Variants in SERP2 observed in about 807,000 individuals in gnomAD.
SERP2 encodes stress-associated endoplasmic reticulum protein 2.
SERP2 carries 6 observed loss-of-function variants against 9.1 expected under a neutral mutation model. The ratio of observed to expected loss-of-function variants is 0.66; its 90% CI spans 0.36 to 1.30. The LOEUF (loss-of-function observed/expected upper bound fraction) is 1.30. Among genes scored for constraint, SERP2 ranks in the 50% most tolerant of loss-of-function variants. The pLI is 0.03. For synonymous variants in SERP2, 37 were observed against 27.3 expected (o/e 1.35, Z -1.10); for missense variants, 58 against 81.9 (o/e 0.71, Z 1.13).
chr13:44,381,626 C>G (rs1011596937), intron 2 of SERP2, among the ~76,000 whole-genome samples: 1 of 152,204 alleles, frequency 6.6e-6, no homozygotes, highest in South Asian at 2.1e-4. Flanking sequence ...TGTCACTGCC[C>G]TTGATTTTGC....
chr13:44,387,960 C>T (rs1872411599), intron 2 of SERP2, among the ~76,000 whole-genome samples: 1 of 152,190 alleles, frequency 6.6e-6, no homozygotes, highest in African/African-American at 2.4e-5. Context: ...CCTGGCTATT[C>T]TTGAAACTGA....
intron 1 of SERP2, among the ~76,000 whole-genome samples, chr13:44,377,337 G>T (rs1871716177): frequency 6.6e-6 from 1 of 152,146 alleles, no homozygotes; most frequent in South Asian, 2.1e-4. Context: ...TTTTTATATA[G>T]CATCAGTGGC....
At chr13:44,385,879 T>C (rs952144566) in intron 2 of SERP2, among the ~76,000 whole-genome samples, 1 of 152,140 alleles carries the variant, frequency 6.6e-6, no homozygotes, top group African/African-American at 2.4e-5. Flanking sequence ...ACCTCTGTCC[T>C]TGTAGCCCTC....
At chr13:44,378,944 G>T (rs1009988091) in intron 1 of SERP2, among the ~76,000 whole-genome samples, 1 of 152,136 alleles carries the variant, frequency 6.6e-6, no homozygotes, top group Non-Finnish European at 1.5e-5. Context: ...CTTTATTAAG[G>T]CTTAGGAGCT....
At chr13:44,394,650 G>A (rs927620598) in intron 2 of SERP2, among the ~76,000 whole-genome samples, 1 of 152,182 alleles carries the variant, frequency 6.6e-6, no homozygotes, top group South Asian at 2.1e-4. Context: ...TTATGTCATC[G>A]TATTTATTCC....
chr13:44,375,623 G>A (rs773303976), intron 1 of SERP2, among the ~76,000 whole-genome samples: 1 of 152,178 alleles, frequency 6.6e-6, no homozygotes, highest in Non-Finnish European at 1.5e-5. Context: ...TCCTTCTCAA[G>A]GGATCAGACC....
chr13:44,394,241 G>A (rs1231614893), intron 2 of SERP2, among the ~76,000 whole-genome samples: 3 of 152,058 alleles, frequency 2.0e-5, no homozygotes, highest in African/African-American at 2.4e-5. Flanking sequence ...AGGTTCAAGC[G>A]ATTCTCCTGC....
intron 2 of SERP2, among the ~76,000 whole-genome samples, chr13:44,383,544 G>GTT (rs373109847): frequency 0.41 from 36,917 of 89,258 alleles, 7,195 homozygotes; most frequent in South Asian, 0.47. Context: ...GGAGGTTTGC[G>GTT]TTTTTTTTGT....
intron 1 of SERP2, among the ~76,000 whole-genome samples, chr13:44,379,389 C>A (rs1339660809): frequency 6.6e-6 from 1 of 152,118 alleles, no homozygotes; most frequent in Non-Finnish European, 1.5e-5. Context: ...CCATATCTGT[C>A]CCCAGAATAT....
At chr13:44,395,890 C>T (rs1196040675) in intron 2 of SERP2, 1 of 449,894 alleles carries the variant, frequency 2.2e-6, no homozygotes, top group African/African-American at 2.0e-5. Flanking sequence ...GAAAGAGACC[C>T]AAAAAATGAT....
chr13:44,397,208 T>C, intron 2 of SERP2, 64 bp from the exon 3 acceptor site: 2 of 1,427,624 alleles, frequency 1.4e-6, no homozygotes, highest in Non-Finnish European at 2.0e-6. Flanking sequence ...CCGGGCTCAC[T>C]GTGGGCTGGG....
At position 44,374,115 on chromosome 13, in the gene SERP2, G is replaced by A. The variant is rs1248629414; in HGVS notation, c.84+6G>A. 2 of 1,561,578 alleles carry A rather than the reference G, an allele frequency of 1.3e-6. No individual in the cohort carries two copies. The highest frequency in any genetic ancestry group is 1.9e-5 in the Admixed American group (1 of 53,738). ...GGAACGTAGCCAAAACCCTGGTAAG[G>A]CGGGGTCGGCGCCGGCCAGGCAGAG... On this transcript the variant is annotated splice_donor_region_variant and intron_variant, in intron 1 of 2. Coordinates refer to ENST00000379179, the MANE Select transcript of SERP2 (RefSeq NM_001010897.3).
In SERP2 at chr13:44,397,603, T is replaced by C. The variant is rs1873197972; in HGVS notation, c.*291T>C. 1 of 472,990 alleles carries C rather than the reference T, an allele frequency of 2.1e-6. No individual in the cohort carries two copies. Among genetic ancestry groups the C allele is most frequent in the African/African-American group, 2.0e-5 (1 of 50,980 alleles). 29.3% of individuals were successfully genotyped at this position (472,990 alleles called of 1,614,324 possible). A position where few individuals can be genotyped will look rare whatever the true frequency, so the allele number is the denominator to read the frequency against. On this transcript the variant is annotated 3_prime_UTR_variant, in exon 3 of 3. Coordinates refer to ENST00000379179, the MANE Select transcript of SERP2 (RefSeq NM_001010897.3). ...TGTTTTTTTGGTTTTTCCCTTGGTT[T>C]CACTAATGCGTGCATGTGGCCCTCT...
chr13:44,378,045 C>T (rs867683372), intron 1 of SERP2, among the ~76,000 whole-genome samples: 6 of 152,080 alleles, frequency 3.9e-5, no homozygotes, highest in African/African-American at 1.4e-4. Flanking sequence ...ATACAAGTGA[C>T]GAGTGGACCC....
At chr13:44,394,828 G>A (rs539175278) in intron 2 of SERP2, among the ~76,000 whole-genome samples, 1 of 152,326 alleles carries the variant, frequency 6.6e-6, no homozygotes, top group Non-Finnish European at 1.5e-5. Flanking sequence ...TGTAGTCATA[G>A]TAACAGTGAT....
At chr13:44,374,459 C>T (rs764672475) in intron 1 of SERP2, among the ~76,000 whole-genome samples, 15 of 152,228 alleles carry the variant, frequency 9.9e-5, no homozygotes, top group Non-Finnish European at 1.6e-4. Context: ...AAAGCCTCAT[C>T]CTTAGGGGCC....
chr13:44,390,526 G>A, intron 2 of SERP2: 1 of 443,672 alleles, frequency 2.3e-6, no homozygotes, highest in Admixed American at 2.4e-5. Flanking sequence ...TTCATCCTCG[G>A]GATCTGAGAT....
chr13:44,383,783 C>T (rs1872160339), intron 2 of SERP2, among the ~76,000 whole-genome samples: 1 of 151,354 alleles, frequency 6.6e-6, no homozygotes. Flanking sequence ...GATCTCTTGA[C>T]CTCATGATCC....
At chr13:44,374,216 G>C (rs1871498022) in intron 1 of SERP2, 107 bp downstream of exon 1, 1 of 747,742 alleles carries the variant, frequency 1.3e-6, no homozygotes, top group South Asian at 3.1e-5. Flanking sequence ...CGGCCTCCCG[G>C]CTCCCGGCCC....
Sources: allele counts gnomAD v4.1 joint callset (sites outside exome capture counted in the v4.1 genomes callset), GRCh38; gene constraint gnomAD v4.1.1; transcripts MANE v1.5; gene names NCBI Gene and HGNC (gene_info 2026-07-23, HGNC 2026-07-21).